SULT2A1: variants seen among roughly 807,000 people sequenced by gnomAD.
SULT2A1 encodes the protein sulfotransferase family 2A member 1, also known as sulfotransferase 2A1.
SULT2A1 carries 43 observed loss-of-function variants against 33.9 expected under a neutral mutation model. The observed-to-expected ratio is 1.27, with a 90% CI of 1.00 to 1.64. The LOEUF is 1.64. Ranked by LOEUF, SULT2A1 falls within the 40% of genes most tolerant of loss-of-function variation. The pLI is 0.00. For missense variants in SULT2A1, 300 were observed against 335.1 expected (o/e 0.90, Z 0.82); for synonymous variants, 125 against 113.6 (o/e 1.10, Z -0.64).
At position 47,874,725 on chromosome 19, in the gene SULT2A1, T is replaced by C. The variant is rs774037082; in HGVS notation, c.677A>G (p.Asn226Ser). ...KNSSFQSMKE[N>S]KMSNYSLLSV... ...CAGGAGGGAATAATTGGACATCTTG[T>C]TTTCTTTCATGCTCTGAAAGGAGCT... The change falls in exon 5 of 6, where the codon AAC becomes AGC. Residue 226 changes from asparagine to serine, a missense_variant. Physicochemically the swap from Asn to Ser is conservative, Grantham distance 46 (BLOSUM62 1). Transcript: ENST00000222002. 17 of 1,614,036 alleles carry C rather than the reference T, an allele frequency of 1.1e-5. No homozygotes were observed. The highest frequency in any genetic ancestry group is 1.4e-5 in the Non-Finnish European group (17 of 1,180,014).
intron 3 of SULT2A1, among the ~76,000 whole-genome samples, chr19:47,879,616 C>T (rs1212200495): frequency 6.6e-6 from 1 of 152,082 alleles, no homozygotes; most frequent in Non-Finnish European, 1.5e-5. Flanking sequence ...AGGATGAGTT[C>T]ATATCCTTTG....
chr19:47,886,097 T>C (rs779172828), intron 1 of SULT2A1, 25 bp downstream of exon 1: 1 of 1,610,368 alleles, frequency 6.2e-7, no homozygotes, highest in South Asian at 1.1e-5. Flanking sequence ...ACAGCCTTTC[T>C]CAGTTCACGA....
At chr19:47,881,408 G>T (rs1968602481) in intron 3 of SULT2A1, among the ~76,000 whole-genome samples, 1 of 152,030 alleles carries the variant, frequency 6.6e-6, no homozygotes, top group African/African-American at 2.4e-5. Context: ...CTGACCTCAG[G>T]TGATCCACCC....
rs1167709757 is a variant in SULT2A1, at chr19:47,875,291, T to A, written c.568-457A>T. On this transcript the variant is annotated intron_variant, in intron 4 of 5. Transcript: ENST00000222002. ...TGAGAAGGGATTGAGTTGAATGCAA[T>A]TAGGAGAAAGAAAGAAAAAAGGTAA... Among the ~76,000 whole-genome samples the A allele has an allele frequency of 3.3e-5, 5 of 150,328 alleles. No individual in the cohort carries two copies. The East Asian group carries it at 7.8e-4, about 23-fold the overall frequency.
At chr19:47,877,266 T>G (rs1968555630) in intron 4 of SULT2A1, among the ~76,000 whole-genome samples, 1 of 150,732 alleles carries the variant, frequency 6.6e-6, no homozygotes, top group East Asian at 2.0e-4. Context: ...AGATGGAGTC[T>G]TGCTCTGTTG....
intron 5 of SULT2A1, 63 bp from the exon 6 acceptor site, chr19:47,871,630 C>T (rs1405265332): frequency 9.2e-7 from 1 of 1,092,658 alleles, no homozygotes; most frequent in African/African-American, 1.6e-5. Flanking sequence ...CTCCACCAGG[C>T]ACCTGACATG....
At chr19:47,874,539 C>A (rs779538758) in intron 5 of SULT2A1, 118 bp downstream of exon 5, 2 of 535,702 alleles carry the variant, frequency 3.7e-6, no homozygotes, top group African/African-American at 5.0e-5. Flanking sequence ...GACTTCATCT[C>A]GGAAAAAAAA....
intron 5 of SULT2A1, among the ~76,000 whole-genome samples, chr19:47,873,294 C>T (rs985964612): frequency 6.6e-6 from 1 of 151,932 alleles, no homozygotes; most frequent in African/African-American, 2.4e-5. Flanking sequence ...CTCAGCCTCC[C>T]GAGTAGCTGG....
chr19:47,884,060 G>A (rs773704144), intron 1 of SULT2A1, among the ~76,000 whole-genome samples: 2 of 150,462 alleles, frequency 1.3e-5, no homozygotes, highest in Admixed American at 6.6e-5. Context: ...AGCCGAGATC[G>A]TGCCATGGCA....
chr19:47,880,161 T>A (rs2122151748), intron 3 of SULT2A1, among the ~76,000 whole-genome samples: 1 of 125,096 alleles, frequency 8.0e-6, no homozygotes, highest in Non-Finnish European at 1.6e-5. Flanking sequence ...GGTGTGAACC[T>A]GGGAGGCGGA....
chr19:47,884,195 A>G (rs2122157499), intron 1 of SULT2A1, among the ~76,000 whole-genome samples: 1 of 148,486 alleles, frequency 6.7e-6, no homozygotes, highest in South Asian at 2.1e-4. Flanking sequence ...ATTTTGAGAC[A>G]GAGTCTTGCT....
chr19:47,885,462 A>G (rs1422991129), intron 1 of SULT2A1, among the ~76,000 whole-genome samples: 2 of 152,190 alleles, frequency 1.3e-5, no homozygotes, highest in African/African-American at 4.8e-5. Flanking sequence ...TTATAGCTAT[A>G]TACCACATTT....
intron 3 of SULT2A1, among the ~76,000 whole-genome samples, chr19:47,880,078 C>T (rs914399741): frequency 4.0e-5 from 6 of 151,174 alleles, no homozygotes; most frequent in Non-Finnish European, 8.9e-5. Context: ...CTACTAAAAA[C>T]ACAAAAAAAT....
intron 1 of SULT2A1, among the ~76,000 whole-genome samples, chr19:47,884,388 C>G (rs2122157788): frequency 6.6e-6 from 1 of 150,832 alleles, no homozygotes; most frequent in Non-Finnish European, 1.5e-5. Flanking sequence ...CCATGTTAGC[C>G]AGGATGGTCT....
intron 5 of SULT2A1, among the ~76,000 whole-genome samples, chr19:47,873,065 G>A (rs1298410659): frequency 6.6e-6 from 1 of 151,758 alleles, no homozygotes; most frequent in African/African-American, 2.4e-5. Flanking sequence ...CCCGGCCAAC[G>A]TTTACTTTTA....
At chr19:47,874,537 C>T (rs1968523592) in intron 5 of SULT2A1, 120 bp downstream of exon 5, 3 of 671,650 alleles carry the variant, frequency 4.5e-6, no homozygotes, top group Admixed American at 4.4e-5. Context: ...AAGACTTCAT[C>T]TCGGAAAAAA....
Position 47,871,309 on chromosome 19 carries a change from A to G in SULT2A1, c.*146T>C, listed in dbSNP as rs1205412918. The G allele has an allele frequency of 9.0e-6, 6 of 669,794 alleles. No individual in the cohort carries two copies. Among genetic ancestry groups the G allele is most frequent in the African/African-American group, 1.8e-5 (1 of 55,018 alleles). The allele number at this position is 669,794 out of a possible 1,614,324, so 41.5% of individuals were successfully genotyped here. On this transcript the variant is annotated 3_prime_UTR_variant, in exon 6 of 6. Transcript: ENST00000222002. ...CTGGCCAACCCTGGTAACTTTTAAC[A>G]AGGAAGGGATCAGAGATGCAGAGGT...
At chr19:47,873,358 A>G (rs1215550029) in intron 5 of SULT2A1, among the ~76,000 whole-genome samples, 1 of 151,518 alleles carries the variant, frequency 6.6e-6, no homozygotes, top group African/African-American at 2.4e-5. Flanking sequence ...TTTAGTAGAG[A>G]TGGGCTTTCT....
At chr19:47,880,724 C>T (rs1484460642) in intron 3 of SULT2A1, among the ~76,000 whole-genome samples, 1 of 151,898 alleles carries the variant, frequency 6.6e-6, no homozygotes, top group Non-Finnish European at 1.5e-5. Flanking sequence ...GTAGCTGAGA[C>T]TACGGGCACA....
Sources: allele counts gnomAD v4.1 joint callset (sites outside exome capture counted in the v4.1 genomes callset), GRCh38; gene constraint gnomAD v4.1.1; transcripts MANE v1.5; gene names NCBI Gene and HGNC (gene_info 2026-07-23, HGNC 2026-07-21).